CAMKMT: variants seen among roughly 807,000 people sequenced by gnomAD.
CAMKMT encodes calmodulin-lysine N-methyltransferase.
A neutral mutation model predicts 48.0 loss-of-function variants in CAMKMT; 53 were observed. That is an observed-to-expected ratio of 1.10 (90% confidence interval 0.89 to 1.39). CAMKMT has a LOEUF of 1.39. Ranked by LOEUF, CAMKMT falls within the 40% of genes most tolerant of loss-of-function variation. The pLI is 0.00. For synonymous variants in CAMKMT, 165 were observed against 152.3 expected, an observed-to-expected ratio of 1.08 and a Z score of -0.61; for missense variants, 428 against 402.7, an observed-to-expected ratio of 1.06 and a Z score of -0.54.
At chr2:44,631,920 T>C (rs923529085) in intron 3 of CAMKMT, among the ~76,000 whole-genome samples, 2 of 152,160 alleles carry the variant, frequency 1.3e-5, no homozygotes, top group African/African-American at 4.8e-5. Flanking sequence ...ATATTCACCT[T>C]CACATAATAT....
chr2:44,611,598 G>A (rs988257735), intron 3 of CAMKMT, among the ~76,000 whole-genome samples: 2 of 152,106 alleles, frequency 1.3e-5, no homozygotes, highest in African/African-American at 4.8e-5. Context: ...ACAAAAGGGA[G>A]TTTAAATAAT....
In CAMKMT at chr2:44,741,822, G is replaced by A. The variant is rs138807438; in HGVS notation, c.624-1800G>A. The stretch of plus-strand genomic sequence containing the variant: ...TCCAGTTTGTCTTTGTTGAACCAAG[G>A]GGCTGAAGCACCTCAGGAATACAGC... On this transcript the variant is annotated intron_variant, in intron 7 of 10. Coordinates refer to ENST00000378494, the MANE Select transcript of CAMKMT (RefSeq NM_024766.5). 1.2e-3 allele frequency among the ~76,000 whole-genome samples: 187 copies of A among 152,258 alleles called. 1 individual carries two copies. The highest frequency in any genetic ancestry group is 3.3e-3 in the Admixed American group (50 of 15,294).
intron 3 of CAMKMT, among the ~76,000 whole-genome samples, chr2:44,394,033 G>A (rs949469601): frequency 6.6e-6 from 1 of 152,156 alleles, no homozygotes; most frequent in Admixed American, 6.5e-5. Flanking sequence ...GCTTGGGTCT[G>A]TAGTAGATTC....
chr2:44,455,384 C>T (rs575262784), intron 3 of CAMKMT, among the ~76,000 whole-genome samples: 24 of 152,108 alleles, frequency 1.6e-4, no homozygotes, highest in Non-Finnish European at 2.8e-4. Flanking sequence ...CTGAGCAGTG[C>T]AGGAAGAAGA....
intron 3 of CAMKMT, among the ~76,000 whole-genome samples, chr2:44,684,926 T>C (rs1676250899): frequency 6.6e-6 from 1 of 152,036 alleles, no homozygotes; most frequent in Non-Finnish European, 1.5e-5. Context: ...AGGTCTGGAG[T>C]AGAGAGACAG....
At chr2:44,557,344 A>T (rs922797890) in intron 3 of CAMKMT, among the ~76,000 whole-genome samples, 4 of 152,206 alleles carry the variant, frequency 2.6e-5, no homozygotes, top group African/African-American at 4.8e-5. Flanking sequence ...TGAGGAAATA[A>T]AACTAACACA....
At position 44,507,086 on chromosome 2, in the gene CAMKMT, AAT is replaced by A. The variant is rs1670300631; in HGVS notation, c.376+116784_376+116785del. ...AATTTGTGCAATCTTTTTTTTTTTGAATATGTGTGTCCTTATCAGAAAGGAAT... is the reference window on the plus strand; with the variant it reads ...AATTTGTGCAATCTTTTTTTTTTTGAATGTGTGTCCTTATCAGAAAGGAAT... On this transcript the variant is annotated intron_variant, in intron 3 of 10. Transcript: ENST00000378494. Among the ~76,000 whole-genome samples the A allele has an allele frequency of 3.5e-5, 5 of 141,314 alleles. No individual in the cohort carries two copies. In the South Asian group the frequency reaches 1.1e-3, roughly 32 times the overall value. 92.7% of individuals were successfully genotyped at this position (141,314 alleles called of 152,430 possible). A position where few individuals can be genotyped will look rare whatever the true frequency, so the allele number is the denominator to read the frequency against.
chr2:44,617,280 A>G (rs944683917), intron 3 of CAMKMT, among the ~76,000 whole-genome samples: 2 of 152,170 alleles, frequency 1.3e-5, no homozygotes, highest in Non-Finnish European at 2.9e-5. Flanking sequence ...GCTCTGCAGG[A>G]GTTTTTAATC....
At chr2:44,723,258 C>T (rs1392156519) in intron 7 of CAMKMT, among the ~76,000 whole-genome samples, 1 of 152,184 alleles carries the variant, frequency 6.6e-6, no homozygotes, top group Non-Finnish European at 1.5e-5. Context: ...TCGCTGAGAG[C>T]TTCTCATTCA....
intron 5 of CAMKMT, among the ~76,000 whole-genome samples, chr2:44,707,156 C>G (rs528081054): frequency 6.6e-6 from 1 of 151,858 alleles, no homozygotes; most frequent in East Asian, 1.9e-4. Flanking sequence ...CATCCGCTGT[C>G]ACAATGCAAT....
chr2:44,387,356 A>G (rs940140920), intron 2 of CAMKMT, among the ~76,000 whole-genome samples: 11 of 151,590 alleles, frequency 7.3e-5, no homozygotes, highest in African/African-American at 1.4e-4. Flanking sequence ...TTTGGTATCC[A>G]TTTGCATGAA....
intron 3 of CAMKMT, among the ~76,000 whole-genome samples, chr2:44,466,695 A>G (rs1481717513): frequency 6.6e-6 from 1 of 152,312 alleles, no homozygotes; most frequent in African/African-American, 2.4e-5. Context: ...GAGAATAAAA[A>G]TGATTTTAAA....
intron 3 of CAMKMT, among the ~76,000 whole-genome samples, chr2:44,576,035 G>T (rs2103754378): frequency 6.6e-6 from 1 of 151,724 alleles, no homozygotes; most frequent in East Asian, 2.0e-4. Context: ...GTTCAAGAAC[G>T]CAGGTGGGAG....
At chr2:44,568,345 A>G (rs1490589185) in intron 3 of CAMKMT, among the ~76,000 whole-genome samples, 3 of 152,184 alleles carry the variant, frequency 2.0e-5, no homozygotes, top group Admixed American at 1.3e-4. Flanking sequence ...AAGAACTTAC[A>G]TAGGAGAGAA....
At chr2:44,406,846 G>A (rs940488162) in intron 3 of CAMKMT, among the ~76,000 whole-genome samples, 8 of 152,124 alleles carry the variant, frequency 5.3e-5, no homozygotes, top group African/African-American at 1.7e-4. Flanking sequence ...CAAGCAATCC[G>A]CCCACCACAC....
At chr2:44,714,196 T>C (rs1185371169) in intron 6 of CAMKMT, among the ~76,000 whole-genome samples, 2 of 152,090 alleles carry the variant, frequency 1.3e-5, no homozygotes, top group African/African-American at 4.8e-5. Context: ...GGCCACACAT[T>C]TGGCTCTGAG....
In CAMKMT at chr2:44,716,938, C is replaced by G. The variant is rs974402072; in HGVS notation, c.623+1585C>G. The stretch of plus-strand genomic sequence containing the variant: ...GTTGTTTACTGGGTGTTAATAATCA[C>G]TAATTAATAAACATATCTAGACATC... On this transcript the variant is annotated intron_variant, in intron 7 of 10. Transcript: ENST00000378494. Among the ~76,000 whole-genome samples, 6 of 152,192 alleles carry G rather than the reference C, an allele frequency of 3.9e-5. No individual in the cohort carries two copies. The East Asian group carries it at 1.2e-3, about 29-fold the overall frequency.
chr2:44,398,123 C>T (rs952931966), intron 3 of CAMKMT, among the ~76,000 whole-genome samples: 1 of 152,180 alleles, frequency 6.6e-6, no homozygotes, highest in Non-Finnish European at 1.5e-5. Context: ...TTTGTAAGTA[C>T]TGTCCCGTTT....
At chr2:44,536,528 A>G (rs992380152) in intron 3 of CAMKMT, among the ~76,000 whole-genome samples, 97 of 151,852 alleles carry the variant, frequency 6.4e-4, no homozygotes, top group African/African-American at 2.2e-3. Flanking sequence ...GGGTTTCACC[A>G]TGTTGGCCAG....
Sources: allele counts gnomAD v4.1 joint callset (sites outside exome capture counted in the v4.1 genomes callset), GRCh38; gene constraint gnomAD v4.1.1; transcripts MANE v1.5; gene names NCBI Gene and HGNC (gene_info 2026-07-23, HGNC 2026-07-21).